Variants in SINHCAF observed in about 807,000 individuals in gnomAD.
SINHCAF encodes SIN3-HDAC complex associated factor, also known as SIN3-HDAC complex-associated factor.
In SINHCAF, 3 loss-of-function variants were observed where a neutral mutation model predicts 25.8. The observed-to-expected ratio is 0.12, with a 90% CI of 0.05 to 0.30. SINHCAF has a LOEUF of 0.30. SINHCAF is among the 10% of genes least tolerant of loss of function. The pLI is 1.00. For missense variants in SINHCAF, 121 were observed against 262.3 expected (o/e 0.46, Z 3.72); for synonymous variants, 70 against 85.5 (o/e 0.82, Z 1.00).
At chr12:31,311,561 C>T (rs948546507) in intron 1 of SINHCAF, 2 of 277,456 alleles carry the variant, frequency 7.2e-6, no homozygotes, top group East Asian at 9.5e-5. Flanking sequence ...CCACTGGGAC[C>T]GAGCATGAGC....
In SINHCAF at chr12:31,281,743, C is replaced by T. The variant is rs1194814302; in HGVS notation, c.*969G>A. 2 of 152,198 alleles carry T rather than the reference C, an allele frequency of 1.3e-5. No homozygotes were observed. Among genetic ancestry groups the T allele is most frequent in the Admixed American group, 1.3e-4 (2 of 15,280 alleles). The allele number at this position is 152,198 out of a possible 1,614,324, so 9.4% of individuals were successfully genotyped here. On this transcript the variant is annotated 3_prime_UTR_variant, in exon 6 of 6. Transcript: ENST00000337682. Reference sequence around the variant, plus strand: ...TACAGGGTCTTGCCTATCCTAAAGACTTGCCATTTCCCCAAGAGGAGCTTT... The same window carrying T: ...TACAGGGTCTTGCCTATCCTAAAGATTTGCCATTTCCCCAAGAGGAGCTTT...
At chr12:31,305,627 T>C (rs1010891030) in intron 1 of SINHCAF, among the ~76,000 whole-genome samples, 1 of 152,102 alleles carries the variant, frequency 6.6e-6, no homozygotes, top group African/African-American at 2.4e-5. Context: ...TATTATTCCA[T>C]TGTTCCATTC....
intron 1 of SINHCAF, among the ~76,000 whole-genome samples, chr12:31,319,088 C>T (rs766440916): frequency 6.6e-6 from 1 of 152,144 alleles, no homozygotes; most frequent in Non-Finnish European, 1.5e-5. Flanking sequence ...TCATGAAAAG[C>T]CCCATATACT....
At chr12:31,303,071 A>C in intron 1 of SINHCAF, 1 of 985,416 alleles carries the variant, frequency 1.0e-6, no homozygotes. Context: ...AATCATTTCA[A>C]GATGTTTTTC....
At chr12:31,299,297 T>G (rs1938680287) in intron 1 of SINHCAF, among the ~76,000 whole-genome samples, 1 of 151,736 alleles carries the variant, frequency 6.6e-6, no homozygotes, top group Admixed American at 6.6e-5. Context: ...AATTATCACA[T>G]AAAGCAACAA....
At chr12:31,313,865 G>C (rs970418029) in intron 1 of SINHCAF, among the ~76,000 whole-genome samples, 1 of 151,946 alleles carries the variant, frequency 6.6e-6, no homozygotes, top group African/African-American at 2.4e-5. Context: ...GACCAGGCTA[G>C]GCTGGTCTCG....
At chr12:31,286,099 T>C (rs376681774) in intron 5 of SINHCAF, among the ~76,000 whole-genome samples, 4 of 152,220 alleles carry the variant, frequency 2.6e-5, no homozygotes, top group East Asian at 3.8e-4. Flanking sequence ...AATATTGTAT[T>C]GGTTAGAACC....
At chr12:31,285,418 T>TACACACACAC (rs71444392) in intron 5 of SINHCAF, among the ~76,000 whole-genome samples, 16,366 of 141,226 alleles carry the variant, frequency 0.12, 1,076 homozygotes, top group Non-Finnish European at 0.15. Context: ...TATATATACA[T>TACACACACAC]ACACACACAC....
rs1295328664 is a variant in SINHCAF at position 31,289,409 on chromosome 12, A to C, written c.356-1625T>G. On this transcript the variant is annotated intron_variant, in intron 4 of 5. Coordinates refer to ENST00000337682, the MANE Select transcript of SINHCAF (RefSeq NM_001135812.2). The stretch of plus-strand genomic sequence containing the variant: ...CAAGAGAAAAATCTTGAAAGCAGCC[A>C]AAGAATAATGACATTATACCTATAA... Among the ~76,000 whole-genome samples the C allele has an allele frequency of 2.6e-5, 4 of 152,348 alleles. 1 individual carries two copies. Among genetic ancestry groups the C allele is most frequent in the Admixed American group, 2.0e-4 (3 of 15,310 alleles).
intron 1 of SINHCAF, chr12:31,304,988 GGTCTGAA>G (rs1411919478): frequency 1.3e-5 from 2 of 152,158 alleles, no homozygotes; most frequent in African/African-American, 4.8e-5. Context: ...ATACAGGCCT[GGTCTGAA>G]GTCTTAGGTC....
In SINHCAF at chr12:31,298,447, C is replaced by G. The variant is rs78942358; in HGVS notation, c.-20-223G>C. On this transcript the variant is annotated intron_variant, in intron 1 of 5. Transcript: ENST00000337682. ...GCCTAGTTATTTAAGGAGGACTCTA[C>G]TACCTCCTAACTCGCCTAACAAACA... The G allele has an allele frequency of 8.3e-3, 4,003 of 481,960 alleles. 141 individuals are homozygous for G. Among genetic ancestry groups the G allele is most frequent in the African/African-American group, 0.071 (3,660 of 51,448 alleles). The allele number at this position is 481,960 out of a possible 1,614,324, so 29.9% of individuals were successfully genotyped here. A position where few individuals can be genotyped will look rare whatever the true frequency, so the allele number is the denominator to read the frequency against.
At chr12:31,292,928 A>G (rs1167680333) in intron 4 of SINHCAF, among the ~76,000 whole-genome samples, 1 of 152,186 alleles carries the variant, frequency 6.6e-6, no homozygotes, top group Non-Finnish European at 1.5e-5. Context: ...GAGAGCTCCA[A>G]TAGAGATCCA....
At chr12:31,304,364 G>A (rs1288642404) in intron 1 of SINHCAF, 1 of 152,190 alleles carries the variant, frequency 6.6e-6, no homozygotes, top group Middle Eastern at 3.2e-3. Context: ...GAGACGTGCT[G>A]GCACAATCTG....
At chr12:31,283,144 A>G (rs968253486) in intron 5 of SINHCAF, among the ~76,000 whole-genome samples, 2 of 152,166 alleles carry the variant, frequency 1.3e-5, no homozygotes, top group African/African-American at 4.8e-5. Context: ...GCTGCCCCTG[A>G]TGTTGTTAAC....
At chr12:31,312,812 T>G (rs905173469) in intron 1 of SINHCAF, among the ~76,000 whole-genome samples, 4 of 152,254 alleles carry the variant, frequency 2.6e-5, no homozygotes, top group Admixed American at 6.5e-5. Context: ...TCTTTTTGCG[T>G]CCTGATTAAG....
intron 4 of SINHCAF, among the ~76,000 whole-genome samples, chr12:31,289,019 A>G (rs770470046): frequency 2.0e-5 from 3 of 152,310 alleles, no homozygotes; most frequent in Non-Finnish European, 4.4e-5. Context: ...AAAAAATACA[A>G]TAAAGAAAAT....
At chr12:31,307,723 T>G (rs1460115829) in intron 1 of SINHCAF, among the ~76,000 whole-genome samples, 1 of 152,148 alleles carries the variant, frequency 6.6e-6, no homozygotes, top group Non-Finnish European at 1.5e-5. Context: ...ATGAAGGCAG[T>G]AAGGGAGAGG....
chr12:31,313,870 G>C (rs1261469523), intron 1 of SINHCAF, among the ~76,000 whole-genome samples: 2 of 151,990 alleles, frequency 1.3e-5, no homozygotes, highest in East Asian at 3.9e-4. Context: ...GGCTAGGCTG[G>C]TCTCGAACTC....
At chr12:31,296,284 G>T (rs1324928993) in intron 2 of SINHCAF, among the ~76,000 whole-genome samples, 3 of 151,972 alleles carry the variant, frequency 2.0e-5, no homozygotes, top group Non-Finnish European at 2.9e-5. Flanking sequence ...TCCCACCTCA[G>T]CCTCCCTAGT....
Sources: allele counts gnomAD v4.1 joint callset (sites outside exome capture counted in the v4.1 genomes callset), GRCh38; gene constraint gnomAD v4.1.1; transcripts MANE v1.5; gene names NCBI Gene and HGNC (gene_info 2026-07-23, HGNC 2026-07-21).